REXO5: variants seen among roughly 807,000 people sequenced by gnomAD.
The protein encoded by REXO5 is RNA exonuclease 5.
In REXO5, 48 loss-of-function variants were observed where a neutral mutation model predicts 88.5. That is an observed-to-expected ratio of 0.54 (90% CI 0.43 to 0.69). The LOEUF (loss-of-function observed/expected upper bound fraction) is 0.69. REXO5 is among the 30% of genes least tolerant of loss of function. The pLI is 0.00. For missense variants in REXO5, 749 were observed against 912.2 expected (o/e 0.82, Z 2.30); for synonymous variants, 311 against 336.5 (o/e 0.92, Z 0.83).
At chr16:20,809,854 C>T (rs547013968) in intron 2 of REXO5, among the ~76,000 whole-genome samples, 2 of 152,260 alleles carry the variant, frequency 1.3e-5, no homozygotes, top group African/African-American at 2.4e-5. Context: ...GCCCAAGCCA[C>T]TGCTCCCAGC....
intron 16 of REXO5, 146 bp downstream of exon 16, chr16:20,844,172 C>G (rs2081572442): frequency 1.7e-6 from 1 of 597,806 alleles, no homozygotes; most frequent in African/African-American, 1.9e-5. Context: ...GTCTAACATT[C>G]TCCTACTGGC....
chr16:20,806,892 G>T, intron 1 of REXO5, 60 bp from the exon 2 acceptor site: 1 of 1,526,718 alleles, frequency 6.5e-7, no homozygotes. Context: ...GCTAGGAGGC[G>T]GCACGCGGGG....
chr16:20,823,422 ATTTAT>A (rs2081215502), intron 6 of REXO5: 1 of 151,992 alleles, frequency 6.6e-6, no homozygotes, highest in Non-Finnish European at 1.5e-5. Flanking sequence ...TTTTTTCTCT[ATTTAT>A]TTTAACATAT....
chr16:20,839,284 C>T (rs114140184), intron 13 of REXO5, among the ~76,000 whole-genome samples: 1,966 of 152,242 alleles, frequency 0.013, 40 homozygotes, highest in South Asian at 0.039. Flanking sequence ...CTGTCAAAAT[C>T]ATGACCCATG....
chr16:20,849,303 C>T (rs933740492), intron 19 of REXO5, 96 bp from the exon 20 acceptor site: 8 of 1,203,648 alleles, frequency 6.6e-6, no homozygotes, highest in Non-Finnish European at 9.7e-6. Context: ...ATGGCACACA[C>T]ACATACTTGG....
In REXO5 at chr16:20,827,420, T is replaced by C. The variant is rs2081276276; in HGVS notation, c.1028T>C (p.Leu343Pro). 6.2e-7 allele frequency: 1 copy of C among 1,613,454 alleles called. No homozygotes were observed. The highest frequency in any genetic ancestry group is 8.5e-7 in the Non-Finnish European group (1 of 1,179,768). The change falls in exon 10 of 20, where the codon CTC becomes CCC. Residue 343 changes from leucine to proline, a missense_variant. Coordinates refer to ENST00000261377, the MANE Select transcript of REXO5 (RefSeq NM_030941.3). ...AGAGAGCAGGGCAGAAGATTTAAGC[T>C]CAAGTTCTTAGCCAAAGTTATTTTG... is the stretch of plus-strand genomic sequence containing the variant. ...YVREQGRRFK[L>P]KFLAKVILGK...
chr16:20,830,665 T>C (rs932106403), intron 11 of REXO5, among the ~76,000 whole-genome samples: 6 of 152,196 alleles, frequency 3.9e-5, no homozygotes, highest in African/African-American at 1.4e-4. Context: ...CATACATGTA[T>C]AGAAAATGGA....
At chr16:20,824,378 C>G in intron 6 of REXO5, 61 bp from the exon 7 acceptor site, 1 of 926,344 alleles carries the variant, frequency 1.1e-6, no homozygotes, top group Non-Finnish European at 1.7e-6. Flanking sequence ...CTGCTTGAAT[C>G]TAAGAGTGAT....
rs191814437 is a variant in REXO5 at position 20,834,733 on chromosome 16, C to G, written c.1383+1610C>G. 1.8e-3 allele frequency among the ~76,000 whole-genome samples: 277 copies of G among 152,270 alleles called. No individual in the cohort carries two copies. The Middle Eastern group carries it at 0.02, about 11-fold the overall frequency. On this transcript the variant is annotated intron_variant, in intron 13 of 19. Coordinates refer to ENST00000261377, the MANE Select transcript of REXO5 (RefSeq NM_030941.3). ...TAATTCTGCTGCAGTATCTAATCTA[C>G]TGATAATCCAATCCAGTGTACTTTC...
At position 20,839,829 on chromosome 16, in the gene REXO5, A is replaced by T. The variant is rs759851294; in HGVS notation, c.1458A>T (p.Ser486=). The T allele has an allele frequency of 4.3e-6, 7 of 1,613,076 alleles. No homozygotes were observed. Among genetic ancestry groups the T allele is most frequent in the Admixed American group, 3.3e-5 (2 of 59,966 alleles). The change falls in exon 14 of 20, where the codon TCA becomes TCT. Residue 486 remains serine (S), a synonymous_variant. Transcript: ENST00000261377. ...SIVQFSFKAF[S]PVLTEEMNKR... is the part of the protein sequence containing the mutation. ...TTCAGTTCTCTTTTAAGGCCTTTTC[A>T]CCTGTCCTCACTGAGGAGATGAACA...
chr16:20,844,068 T>C (rs1416214710), intron 16 of REXO5, 42 bp downstream of exon 16: 3 of 1,182,442 alleles, frequency 2.5e-6, no homozygotes, highest in Non-Finnish European at 3.8e-6. Flanking sequence ...GGGTCTGGCC[T>C]ACCACAGCCT....
chr16:20,806,472 C>G, upstream of REXO5: 1 of 1,550,270 alleles, frequency 6.5e-7, no homozygotes, highest in Non-Finnish European at 8.7e-7. Flanking sequence ...TGCCGGAAGT[C>G]GCTCGACTTC....
At chr16:20,811,132 C>T (rs779638943) in intron 2 of REXO5, among the ~76,000 whole-genome samples, 1 of 152,186 alleles carries the variant, frequency 6.6e-6, no homozygotes, top group Non-Finnish European at 1.5e-5. Context: ...TCAGCTTCTG[C>T]TCCTAGTCCT....
intron 15 of REXO5, among the ~76,000 whole-genome samples, chr16:20,841,730 C>T (rs1194125218): frequency 6.6e-6 from 1 of 152,134 alleles, no homozygotes; most frequent in Non-Finnish European, 1.5e-5. Context: ...CTCAGCCTCC[C>T]AAGTAGCTGA....
At chr16:20,806,894 C>T in intron 1 of REXO5, 58 bp from the exon 2 acceptor site, 1 of 1,528,702 alleles carries the variant, frequency 6.5e-7, no homozygotes, top group Non-Finnish European at 8.8e-7. Flanking sequence ...TAGGAGGCGG[C>T]ACGCGGGGGA....
intron 3 of REXO5, among the ~76,000 whole-genome samples, chr16:20,813,609 A>G (rs182251453): frequency 1.6e-4 from 24 of 152,262 alleles, no homozygotes; most frequent in Admixed American, 1.6e-3. Context: ...TGGGACATGT[A>G]TACTACAATG....
chr16:20,810,554 C>T (rs537871947), intron 2 of REXO5, among the ~76,000 whole-genome samples: 1 of 152,244 alleles, frequency 6.6e-6, no homozygotes, highest in South Asian at 2.1e-4. Flanking sequence ...GCACCCACCA[C>T]CACGCCTGGC....
chr16:20,835,660 A>C (rs527395041), intron 13 of REXO5, among the ~76,000 whole-genome samples: 36 of 149,962 alleles, frequency 2.4e-4, no homozygotes, highest in African/African-American at 7.8e-4. Flanking sequence ...CTTCCTGAGC[A>C]CTTACATGGG....
chr16:20,837,667 C>T (rs1331259640), intron 13 of REXO5, among the ~76,000 whole-genome samples: 2 of 151,866 alleles, frequency 1.3e-5, no homozygotes, highest in Admixed American at 6.6e-5. Context: ...CAGTTTAGAC[C>T]GTAATGTTAA....
Sources: gnomAD v4.1 joint callset for allele counts (sites outside exome capture counted in the v4.1 genomes callset) on GRCh38, gnomAD v4.1.1 for gene constraint, MANE v1.5 for transcripts, NCBI Gene and HGNC (gene_info 2026-07-23, HGNC 2026-07-21) for gene names.